The following HFE variants were observed in gnomAD, a reference collection of about 807,000 sequenced individuals.
HFE encodes hereditary hemochromatosis protein.
Under a neutral mutation model 40.9 loss-of-function variants are expected in HFE, and 36 were observed. That is an observed-to-expected ratio of 0.88 (90% CI 0.67 to 1.16). HFE has a LOEUF of 1.16. Ranked by LOEUF, HFE falls within the 50% of genes most tolerant of loss-of-function variation. HFE has a pLI of 0.00. For missense variants in HFE, 376 were observed against 432.0 expected, an observed-to-expected ratio of 0.87 and a Z score of 1.15; for synonymous variants, 157 against 165.4, an observed-to-expected ratio of 0.95 and a Z score of 0.39.
At chr6:26,093,333 A>G in intron 5 of HFE, 101 bp downstream of exon 5, 1 of 830,106 alleles carries the variant, frequency 1.2e-6, no homozygotes, top group Non-Finnish European at 2.1e-6. Context: ...CATTTTTCTC[A>G]TTTATATTCT....
chr6:26,092,569 T>A (rs565602916), intron 3 of HFE, 116 bp from the exon 4 acceptor site: 1 of 1,597,584 alleles, frequency 6.3e-7, no homozygotes, highest in African/African-American at 1.3e-5. Flanking sequence ...CTGTAGCTTG[T>A]TTTTTTCTGA....
intron 2 of HFE, 91 bp from the exon 3 acceptor site, chr6:26,091,223 T>G: frequency 6.2e-7 from 1 of 1,602,930 alleles, no homozygotes; most frequent in Admixed American, 1.7e-5. Context: ...AGGGAAGGAA[T>G]TTGCTTCCTG....
rs1039401864 is a variant in HFE at position 26,088,693 on chromosome 6, T to C, written c.76+1177T>C. Among the ~76,000 whole-genome samples, 8 of 152,232 alleles carry C rather than the reference T, an allele frequency of 5.3e-5. No individual in the cohort carries two copies. In the East Asian group the frequency reaches 7.7e-4, roughly 15 times the overall value. On this transcript the variant is annotated intron_variant, in intron 1 of 5. Coordinates refer to ENST00000357618, the MANE Select transcript of HFE (RefSeq NM_000410.4). ...TTGGTGGCAGAGCTCATGTCTCCAC[T>C]TCATAGCTATGATTCTTAAACATCA... is the stretch of plus-strand genomic sequence containing the variant.
chr6:26,087,979 G>A (rs1232804674), intron 1 of HFE, among the ~76,000 whole-genome samples: 1 of 152,162 alleles, frequency 6.6e-6, no homozygotes. Context: ...GGATCCGCAC[G>A]GGGTTTCCAC....
At position 26,097,080 on chromosome 6, in the gene HFE, C is replaced by G. The variant is rs761660145; in HGVS notation, c.*2854C>G. On this transcript the variant is annotated 3_prime_UTR_variant, in exon 6 of 6. Transcript: ENST00000357618. ...TGACAAATTATTTCTCTCTTAATAT[C>G]TTACTATACTGAAAGCAGACTGCTA... The G allele has an allele frequency of 1.0e-4, 17 of 163,702 alleles. No individual in the cohort carries two copies. Among genetic ancestry groups the G allele is most frequent in the Middle Eastern group, 2.9e-3 (1 of 350 alleles). 10.1% of individuals were successfully genotyped at this position (163,702 alleles called of 1,614,324 possible).
In HFE at chr6:26,087,499, T is replaced by G. The variant is rs779045932; in HGVS notation, c.59T>G (p.Leu20Arg). Residue 20 changes from leucine (L) to arginine (R), a missense_variant, in exon 1 of 6, where the codon CTG (leucine) becomes CGG (arginine). Physicochemically the swap from Leu to Arg is moderately radical, Grantham distance 102. Coordinates refer to ENST00000357618, the MANE Select transcript of HFE (RefSeq NM_000410.4). ...CTGATGCTTTTGCAGACCGCGGTCC[T>G]GCAGGGGCGCTTGCTGCGTGAGTCC... Reference protein sequence around the residue: ...LLLMLLQTAVLQGRLLRSHSL... With the variant: ...LLLMLLQTAVRQGRLLRSHSL... The G allele has an allele frequency of 1.2e-6, 2 of 1,613,508 alleles. No homozygotes were observed. The highest frequency in any genetic ancestry group is 1.7e-6 in the Non-Finnish European group (2 of 1,179,550).
Position 26,093,122 on chromosome 6 carries a change from C to T in HFE, c.896C>T (p.Pro299Leu), listed in dbSNP as rs755284374. The change falls in exon 5 of 6, where the codon CCC (proline) becomes CTC (leucine). Residue 299 changes from proline to leucine, a missense_variant. Around this residue, in one of 3 missense-constraint regions of HFE, gnomAD observed 173 missense variants for 186.9 expected, o/e 0.93. Coordinates refer to ENST00000357618, the MANE Select transcript of HFE (RefSeq NM_000410.4). ...LDQPLIVIWE[P>L]SPSGTLVIGV... Reference sequence around the variant, plus strand: ...TAACTTGCTTTTTCTGTTTTAGAGCCCTCACCGTCTGGCACCCTAGTCATT... The same window carrying T: ...TAACTTGCTTTTTCTGTTTTAGAGCTCTCACCGTCTGGCACCCTAGTCATT... The T allele has an allele frequency of 6.2e-6, 10 of 1,613,858 alleles. 1 individual carries two copies. Among genetic ancestry groups the T allele is most frequent in the African/African-American group, 5.3e-5 (4 of 74,884 alleles).
chr6:26,091,305 T>A lies in HFE; in HGVS notation c.341-9T>A. 1 of 1,613,938 alleles carries A rather than the reference T, an allele frequency of 6.2e-7. No homozygotes were observed. The highest frequency in any genetic ancestry group is 8.5e-7 in the Non-Finnish European group (1 of 1,179,970). On this transcript the variant is annotated splice_polypyrimidine_tract_variant and intron_variant, in intron 2 of 5. Transcript: ENST00000357618. ...TGGTTGCAGTTAACAAGGCTGGGGATTTTTCCAGAGTCCCACACCCTGCAG... is the reference window on the plus strand; with the variant it reads ...TGGTTGCAGTTAACAAGGCTGGGGAATTTTCCAGAGTCCCACACCCTGCAG...
Position 26,096,280 on chromosome 6 carries a change from T to A in HFE, c.*2054T>A. 1 of 336,986 alleles carries A rather than the reference T, an allele frequency of 3.0e-6. No individual in the cohort carries two copies. The highest frequency in any genetic ancestry group is 2.3e-5 in the South Asian group (1 of 43,570). The allele number at this position is 336,986 out of a possible 1,614,324, so 20.9% of individuals were successfully genotyped here. On this transcript the variant is annotated 3_prime_UTR_variant, in exon 6 of 6. Coordinates refer to ENST00000357618, the MANE Select transcript of HFE (RefSeq NM_000410.4). ...TCCCAAGTAGCTGGGATTACAGGCGTGCACCACCATGCCCGGCTAATTTTT... is the reference window on the plus strand; with the variant it reads ...TCCCAAGTAGCTGGGATTACAGGCGAGCACCACCATGCCCGGCTAATTTTT...
In HFE at chr6:26,096,867, G is replaced by A. The variant is rs375098164; in HGVS notation, c.*2641G>A. The A allele has an allele frequency of 9.2e-5, 23 of 249,010 alleles. No individual in the cohort carries two copies. Among genetic ancestry groups the A allele is most frequent in the East Asian group, 8.7e-4 (7 of 8,014 alleles). The allele number at this position is 249,010 out of a possible 1,614,324, so 15.4% of individuals were successfully genotyped here. A position where few individuals can be genotyped will look rare whatever the true frequency, so the allele number is the denominator to read the frequency against. Reference sequence around the variant, plus strand: ...TTATTGAAGTTCTTGTTCATCTTGTGTATATACTTAATCGCTTTGTCATTT... The same window carrying A: ...TTATTGAAGTTCTTGTTCATCTTGTATATATACTTAATCGCTTTGTCATTT... On this transcript the variant is annotated 3_prime_UTR_variant, in exon 6 of 6. Transcript: ENST00000357618.
At chr6:26,087,638 C>T in intron 1 of HFE, 122 bp downstream of exon 1, 1 of 777,368 alleles carries the variant, frequency 1.3e-6, no homozygotes, top group South Asian at 1.7e-5. Context: ...TATCCGCAAG[C>T]CCCTCTCCCT....
At chr6:26,089,211 C>A (rs975034927) in intron 1 of HFE, among the ~76,000 whole-genome samples, 1 of 151,852 alleles carries the variant, frequency 6.6e-6, no homozygotes, top group Admixed American at 6.6e-5. Flanking sequence ...TAGGAGCACT[C>A]CCCCAGTCTT....
At chr6:26,090,331 T>C in intron 1 of HFE, among the ~76,000 whole-genome samples, 1 of 149,464 alleles carries the variant, frequency 6.7e-6, no homozygotes, top group South Asian at 2.1e-4. Flanking sequence ...TAGTCCCAGG[T>C]TTTCAGGAGG....
rs139523708 is a variant in HFE at position 26,090,964 on chromosome 6, G to A, written c.200G>A (p.Arg67His). The change falls in exon 2 of 6, where the codon CGT (arginine) becomes CAT (histidine). Residue 67 changes from arginine to histidine, a missense_variant. Arg to His is a conservative substitution (Grantham distance 29). This residue lies in a region of HFE where 200 missense variants were observed against 228.5 expected (regional missense o/e 0.88). Transcript: ENST00000357618. ...GTGTTCTATGATCATGAGAGTCGCC[G>A]TGTGGAGCCCCGAACTCCATGGGTT... is the stretch of plus-strand genomic sequence containing the variant. ...LFVFYDHESR[R>H]VEPRTPWVSS... The A allele has an allele frequency of 4.3e-5, 69 of 1,614,166 alleles. No homozygotes were observed. The African/African-American group carries it at 6.5e-4, about 15-fold the overall frequency.
intron 3 of HFE, chr6:26,092,478 TGAG>T: frequency 1.3e-6 from 1 of 768,702 alleles, no homozygotes; most frequent in Non-Finnish European, 2.2e-6. Flanking sequence ...TATTTACATG[TGAG>T]GAGAACAAGC....
chr6:26,091,078 T>C lies in HFE; in HGVS notation c.314T>C (p.Ile105Thr), dbSNP rs28934596. ...DHMFTVDFWTIMENHNHSKES... is the reference protein window; with the variant it reads ...DHMFTVDFWTTMENHNHSKES... ...ATGTTCACTGTTGACTTCTGGACTA[T>C]TATGGAAAATCACAACCACAGCAAG... The change falls in exon 2 of 6, where the codon ATT (isoleucine) becomes ACT (threonine). Residue 105 changes from isoleucine to threonine, a missense_variant. Ile to Thr is a moderately conservative substitution (Grantham distance 89). Coordinates refer to ENST00000357618, the MANE Select transcript of HFE (RefSeq NM_000410.4). 6.2e-6 allele frequency: 10 copies of C among 1,614,050 alleles called. No homozygotes were observed. The highest frequency in any genetic ancestry group is 8.5e-6 in the Non-Finnish European group (10 of 1,180,024).
chr6:26,094,859 A>G lies in HFE; in HGVS notation c.*633A>G, dbSNP rs1762952390. The G allele has an allele frequency of 5.2e-6, 1 of 192,148 alleles. No homozygotes were observed. Among genetic ancestry groups the G allele is most frequent in the African/African-American group, 2.4e-5 (1 of 42,420 alleles). 11.9% of individuals were successfully genotyped at this position (192,148 alleles called of 1,614,324 possible). On this transcript the variant is annotated 3_prime_UTR_variant, in exon 6 of 6. Transcript: ENST00000357618. Reference sequence around the variant, plus strand: ...AAAAGCATCATGGCTATCTGTGGGTAGTATGATGGGTGTTTTTAGCAGGTA... The same window carrying G: ...AAAAGCATCATGGCTATCTGTGGGTGGTATGATGGGTGTTTTTAGCAGGTA...
At position 26,094,584 on chromosome 6, in the gene HFE, C is replaced by T; in HGVS notation, c.*358C>T. On this transcript the variant is annotated 3_prime_UTR_variant, in exon 6 of 6. Coordinates refer to ENST00000357618, the MANE Select transcript of HFE (RefSeq NM_000410.4). ...GGACTCCTTAAATTTGGGGGACTTACATGATTCATTTTAACATCTGAGAAA... is the reference window on the plus strand; with the variant it reads ...GGACTCCTTAAATTTGGGGGACTTATATGATTCATTTTAACATCTGAGAAA... 3 of 644,620 alleles carry T rather than the reference C, an allele frequency of 4.7e-6. No individual in the cohort carries two copies. Among genetic ancestry groups the T allele is most frequent in the Non-Finnish European group, 8.3e-6 (3 of 360,178 alleles). The allele number at this position is 644,620 out of a possible 1,614,324, so 39.9% of individuals were successfully genotyped here. A position where few individuals can be genotyped will look rare whatever the true frequency, so the allele number is the denominator to read the frequency against.
intron 1 of HFE, among the ~76,000 whole-genome samples, chr6:26,087,771 C>T (rs1310496519): frequency 1.3e-5 from 2 of 152,152 alleles, no homozygotes; most frequent in African/African-American, 2.4e-5. Context: ...TTTGGAACCG[C>T]CCACTCCCTT....
Sources: gnomAD v4.1 joint callset for allele counts (sites outside exome capture counted in the v4.1 genomes callset) on GRCh38, gnomAD v4.1.1 for gene constraint, gnomAD v4.1.1 regional missense constraint, MANE v1.5 for transcripts, NCBI Gene and HGNC (gene_info 2026-07-23, HGNC 2026-07-21) for gene names.